The following CEP250 variants were observed in gnomAD, a reference collection of about 807,000 sequenced individuals.
CEP250 encodes the protein centrosomal protein 250, also known as centrosome-associated protein CEP250.
A neutral mutation model predicts 315.7 loss-of-function variants in CEP250; 242 were observed. The ratio of observed to expected loss-of-function variants is 0.77; its 90% CI spans 0.69 to 0.85. CEP250 has a LOEUF of 0.85. Ranked by LOEUF, CEP250 falls within the 40% of genes least tolerant of loss-of-function variation. The probability of loss-of-function intolerance (pLI) is 0.00; values close to 1 mark genes in which losing one functional copy is unlikely to be tolerated. For synonymous variants in CEP250, 1,088 were observed against 1,175.0 expected, an observed-to-expected ratio of 0.93 and a Z score of 1.51; for missense variants, 2,515 against 2,886.4, an observed-to-expected ratio of 0.87 and a Z score of 2.95.
chr20:35,504,569 A>C lies in CEP250; in HGVS notation c.6200A>C (p.Gln2067Pro). The change falls in exon 30 of 35, where the codon CAG becomes CCG. Residue 2067 changes from glutamine to proline, a missense_variant. Coordinates refer to ENST00000397527, the MANE Select transcript of CEP250 (RefSeq NM_007186.6). Reference protein sequence around the residue: ...REQLLEKSLAQRVQENMIQEK... With the variant: ...REQLLEKSLAPRVQENMIQEK... ...CAGCTGCTGGAGAAGTCTCTGGCCCAGAGGGTCCAAGAGAATATGATCCAA... is the reference window on the plus strand; with the variant it reads ...CAGCTGCTGGAGAAGTCTCTGGCCCCGAGGGTCCAAGAGAATATGATCCAA... 1 of 1,614,192 alleles carries C rather than the reference A, an allele frequency of 6.2e-7. No individual in the cohort carries two copies. The highest frequency in any genetic ancestry group is 8.5e-7 in the Non-Finnish European group (1 of 1,180,018).
rs1458468558 is a variant in CEP250, at chr20:35,496,607, G to C, written c.3198G>C (p.Gln1066His). The change falls in exon 25 of 35, where the codon CAG becomes CAC. Residue 1066 changes from glutamine (Q) to histidine (H), a missense_variant. Transcript: ENST00000397527. ...SLTLSLMEKE[Q>H]RLLVLQEADS... Reference sequence around the variant, plus strand: ...CTCTCTCACTGATGGAAAAGGAACAGAGACTCCTTGTTTTACAAGAAGCTG... The same window carrying C: ...CTCTCTCACTGATGGAAAAGGAACACAGACTCCTTGTTTTACAAGAAGCTG... 1.2e-6 allele frequency: 2 copies of C among 1,614,074 alleles called. No homozygotes were observed. The highest frequency in any genetic ancestry group is 2.2e-5 in the South Asian group (2 of 91,064).
At chr20:35,491,125 C>A (rs976765620) in intron 21 of CEP250, 87 bp from the exon 22 acceptor site, 4 of 1,506,178 alleles carry the variant, frequency 2.7e-6, no homozygotes, top group Non-Finnish European at 3.6e-6. Flanking sequence ...TAGGAGAGCC[C>A]TAGGGCAGCT....
rs912789513 is a variant in CEP250 at position 35,476,685 on chromosome 20, G to A, written c.1863+90G>A. 7.9e-6 allele frequency: 9 copies of A among 1,136,316 alleles called. No individual in the cohort carries two copies. In the African/African-American group the frequency reaches 1.2e-4, roughly 16 times the overall value. 70.4% of individuals were successfully genotyped at this position (1,136,316 alleles called of 1,614,324 possible). On this transcript the variant is annotated intron_variant, in intron 16 of 34. Transcript: ENST00000397527. ...GCTCCCAAATGTAGGTCTGAAATGA[G>A]CAAAAGGAACATTTACAATGCAGAG...
At position 35,514,558 on chromosome 20, in the gene CEP250, G is replaced by A. The variant is rs2064413594; in HGVS notation, c.*2932G>A. ...CACGTGCTTTGTGTGTTAGAGCAGT[G>A]ACCATCACCTCCCAACCCAAGGACC... On this transcript the variant is annotated 3_prime_UTR_variant, in exon 35 of 35. Transcript: ENST00000397527. The A allele has an allele frequency of 6.6e-6, 1 of 152,272 alleles. No homozygotes were observed. Among genetic ancestry groups the A allele is most frequent in the African/African-American group, 2.4e-5 (1 of 41,462 alleles). The allele number at this position is 152,272 out of a possible 1,614,324, so 9.4% of individuals were successfully genotyped here. A position where few individuals can be genotyped will look rare whatever the true frequency, so the allele number is the denominator to read the frequency against.
chr20:35,472,919 C>G (rs191502448), intron 12 of CEP250, 88 bp downstream of exon 12: 2 of 1,346,868 alleles, frequency 1.5e-6, no homozygotes, highest in Non-Finnish European at 1.0e-6. Context: ...CTGGACTATC[C>G]CTTTCACTTT....
intron 26 of CEP250, 37 bp from the exon 27 acceptor site, chr20:35,498,558 T>A: frequency 1.9e-6 from 3 of 1,601,576 alleles, no homozygotes; most frequent in Non-Finnish European, 2.5e-6. Context: ...CTTTTCATAG[T>A]GGCAGCCAGG....
Position 35,478,069 on chromosome 20 carries a change from G to A in CEP250, c.2062G>A (p.Glu688Lys). 1 of 1,614,014 alleles carries A rather than the reference G, an allele frequency of 6.2e-7. No homozygotes were observed. The highest frequency in any genetic ancestry group is 8.5e-7 in the Non-Finnish European group (1 of 1,179,998). The part of the protein sequence containing the change: ...LQADLRDIQE[E>K]KEEIQKKLSE... ...GGCAGATCTCAGGGACATCCAAGAA[G>A]AGAAGGAAGAAATTCAAAAGAAACT... is the stretch of plus-strand genomic sequence containing the variant. Residue 688 changes from glutamate (E) to lysine (K), a missense_variant, in exon 17 of 35, where the codon GAG becomes AAG. Transcript: ENST00000397527.
chr20:35,461,882 G>GGTTAA (rs144032284), intron 3 of CEP250, among the ~76,000 whole-genome samples: 150,830 of 152,308 alleles, frequency 0.99, 74,698 homozygotes, highest in Middle Eastern at 1. Flanking sequence ...TCCCAGGCTG[G>GGTTAA]GTTCTCTTCC....
At chr20:35,493,367 A>T in intron 22 of CEP250, 62 bp from the exon 23 acceptor site, 2 of 1,421,978 alleles carry the variant, frequency 1.4e-6, no homozygotes, top group Non-Finnish European at 1.9e-6. Context: ...CACCCCACCA[A>T]AAAAACCAGT....
At chr20:35,477,739 T>C in intron 16 of CEP250, 132 bp from the exon 17 acceptor site, 1 of 735,076 alleles carries the variant, frequency 1.4e-6, no homozygotes, top group Non-Finnish European at 2.3e-6. Context: ...TTTTCCCCCA[T>C]CTTATAAACA....
chr20:35,489,556 G>A (rs773886697), intron 20 of CEP250, among the ~76,000 whole-genome samples: 2 of 152,200 alleles, frequency 1.3e-5, no homozygotes, highest in Admixed American at 6.5e-5. Flanking sequence ...TAGAAATTGA[G>A]ATCATGCTAG....
chr20:35,490,618 G>A lies in CEP250; in HGVS notation c.2587-19G>A. ...TCCTCACCCATTTGGTTCTAATGGT[G>A]TTTCCTTCATGTGGCCAGGAGAAGG... On this transcript the variant is annotated intron_variant, in intron 20 of 34. Coordinates refer to ENST00000397527, the MANE Select transcript of CEP250 (RefSeq NM_007186.6). 1 of 1,608,296 alleles carries A rather than the reference G, an allele frequency of 6.2e-7. No homozygotes were observed. Among genetic ancestry groups the A allele is most frequent in the Non-Finnish European group, 8.5e-7 (1 of 1,178,556 alleles).
chr20:35,503,624 A>G lies in CEP250; in HGVS notation c.5255A>G (p.Lys1752Arg), dbSNP rs1349292710. ...QEHIHELQEL[K>R]DQLEQQLQGL... Reference sequence around the variant, plus strand: ...CATATCCATGAACTCCAGGAGCTCAAAGACCAGCTGGAGCAGCAGCTCCAG... The same window carrying G: ...CATATCCATGAACTCCAGGAGCTCAGAGACCAGCTGGAGCAGCAGCTCCAG... Residue 1752 changes from lysine (K) to arginine (R), a missense_variant, in exon 30 of 35, where the codon AAA becomes AGA. Physicochemically the swap from Lys to Arg is conservative, Grantham distance 26 (BLOSUM62 2). Transcript: ENST00000397527. This position sits in a 1 kb window ranked among gnomAD's most constrained non-coding sequence, Gnocchi z 4.2. 1.2e-6 allele frequency: 2 copies of G among 1,614,128 alleles called. No individual in the cohort carries two copies. The highest frequency in any genetic ancestry group is 1.1e-5 in the South Asian group (1 of 91,078).
In CEP250 at chr20:35,465,789, A is replaced by C. The variant is rs750198593; in HGVS notation, c.290A>C (p.Asp97Ala). 1 of 1,610,346 alleles carries C rather than the reference A, an allele frequency of 6.2e-7. No individual in the cohort carries two copies. Among genetic ancestry groups the C allele is most frequent in the Non-Finnish European group, 8.5e-7 (1 of 1,178,774 alleles). Residue 97 changes from aspartate to alanine, a missense_variant, in exon 6 of 35, where the codon GAT becomes GCT. By Grantham distance (126) the Asp-to-Ala change is moderately radical. Coordinates refer to ENST00000397527, the MANE Select transcript of CEP250 (RefSeq NM_007186.6). ...RWENVEEPNL[D>A]ELLVRLEEEQ... ...GAAAATGTGGAGGAGCCAAACCTGG[A>C]TGAGCTGCTGGTCCGATTGGAGGAG...
chr20:35,459,885 C>G (rs947887645), intron 2 of CEP250, 98 bp from the exon 3 acceptor site: 1 of 152,098 alleles, frequency 6.6e-6, no homozygotes, highest in African/African-American at 2.4e-5. Context: ...ACCTCATAAA[C>G]TCCCACTGCA....
intron 20 of CEP250, among the ~76,000 whole-genome samples, chr20:35,483,045 T>G (rs1325092394): frequency 2.0e-5 from 3 of 151,516 alleles, no homozygotes; most frequent in African/African-American, 4.8e-5. Flanking sequence ...TTTTGGCCAA[T>G]TGCAGTGGCT....
rs774000905 is a variant in CEP250 at position 35,479,420 on chromosome 20, C to T, written c.2284C>T (p.Leu762Phe). The change falls in exon 18 of 35, where the codon CTC becomes TTC. Residue 762 changes from leucine (L) to phenylalanine (F), a missense_variant. Coordinates refer to ENST00000397527, the MANE Select transcript of CEP250 (RefSeq NM_007186.6). ...RQDLAEQLQG[L>F]SSAKELLESS... ...GGACCTCGCTGAACAACTACAGGGG[C>T]TCAGGTAGGGCCCAGACTCAGTTCA... 2 of 1,612,792 alleles carry T rather than the reference C, an allele frequency of 1.2e-6. No homozygotes were observed. Among genetic ancestry groups the T allele is most frequent in the Non-Finnish European group, 1.7e-6 (2 of 1,179,456 alleles).
chr20:35,508,209 C>T lies in CEP250; in HGVS notation c.6906+19C>T. 2 of 1,613,368 alleles carry T rather than the reference C, an allele frequency of 1.2e-6. No individual in the cohort carries two copies. Among genetic ancestry groups the T allele is most frequent in the Non-Finnish European group, 1.7e-6 (2 of 1,179,704 alleles). On this transcript the variant is annotated intron_variant, in intron 32 of 34. Transcript: ENST00000397527. ...GGAGCAGGTGACCCCTCTTCTTGTC[C>T]AGTGGGCATGCATCTCCACTTCTCG...
chr20:35,493,384 A>T (rs779216175), intron 22 of CEP250, 45 bp from the exon 23 acceptor site: 2 of 1,459,422 alleles, frequency 1.4e-6, no homozygotes, highest in Non-Finnish European at 1.8e-6. Context: ...CAGTATTTCT[A>T]TGACACAGAT....
Sources: allele counts gnomAD v4.1 joint callset (sites outside exome capture counted in the v4.1 genomes callset), GRCh38; gene constraint gnomAD v4.1.1; non-coding constraint Gnocchi (gnomAD v3.1); transcripts MANE v1.5; gene names NCBI Gene and HGNC (gene_info 2026-07-23, HGNC 2026-07-21).